Variants in CDC14A observed in about 807,000 individuals in gnomAD.
CDC14A encodes the protein cell division cycle 14A, also known as dual specificity protein phosphatase CDC14A.
A neutral mutation model predicts 74.4 loss-of-function variants in CDC14A; 53 were observed. The ratio of observed to expected loss-of-function variants is 0.71; its 90% CI spans 0.57 to 0.89. CDC14A has a LOEUF of 0.89. Among genes scored for constraint, CDC14A ranks in the 40% least tolerant of loss-of-function variants. The probability of loss-of-function intolerance (pLI) is 0.00; values close to 1 mark genes in which losing one functional copy is unlikely to be tolerated. For missense variants in CDC14A, 646 were observed against 713.7 expected (o/e 0.91, Z 1.08); for synonymous variants, 247 against 258.4 (o/e 0.96, Z 0.43).
At chr1:100,491,980 A>G (rs1270423253) in intron 11 of CDC14A, among the ~76,000 whole-genome samples, 1 of 151,634 alleles carries the variant, frequency 6.6e-6, no homozygotes, top group East Asian at 1.9e-4. Flanking sequence ...ATCACAGACA[A>G]TGCGGTGGCT....
chr1:100,463,421 C>A (rs1317073026), intron 9 of CDC14A, among the ~76,000 whole-genome samples: 1 of 152,148 alleles, frequency 6.6e-6, no homozygotes, highest in East Asian at 1.9e-4. Context: ...GCTTACAATG[C>A]TGCTGATGTG....
chr1:100,458,660 C>A (rs910355892), intron 8 of CDC14A, among the ~76,000 whole-genome samples: 1 of 151,288 alleles, frequency 6.6e-6, no homozygotes, highest in Non-Finnish European at 1.5e-5. Flanking sequence ...AATTAATAAA[C>A]CTGATCCAAT....
At chr1:100,412,725 TTA>T (rs1453619061) in intron 4 of CDC14A, among the ~76,000 whole-genome samples, 7 of 82,958 alleles carry the variant, frequency 8.4e-5, no homozygotes, top group Non-Finnish European at 1.2e-4. Flanking sequence ...TATATATATT[TTA>T]TATATATATA....
intron 10 of CDC14A, among the ~76,000 whole-genome samples, chr1:100,480,370 C>T (rs1669323616): frequency 6.6e-6 from 1 of 152,132 alleles, no homozygotes; most frequent in African/African-American, 2.4e-5. Flanking sequence ...GTATATATCC[C>T]ATTTTATTTA....
chr1:100,360,348 CT>C (rs60630066), intron 2 of CDC14A, among the ~76,000 whole-genome samples: 19,486 of 144,556 alleles, frequency 0.13, 1,503 homozygotes, highest in Non-Finnish European at 0.17. Flanking sequence ...ATAGTTAGTT[CT>C]TTTTTTTTTT....
At chr1:100,516,623 C>T (rs1650259393) in intron 15 of CDC14A, among the ~76,000 whole-genome samples, 1 of 152,056 alleles carries the variant, frequency 6.6e-6, no homozygotes, top group African/African-American at 2.4e-5. Context: ...ACTGGCTCTG[C>T]CCTCTGACTG....
intron 2 of CDC14A, among the ~76,000 whole-genome samples, chr1:100,376,235 G>A (rs923019457): frequency 6.6e-6 from 1 of 151,998 alleles, no homozygotes; most frequent in Non-Finnish European, 1.5e-5. Context: ...ACACCAACAT[G>A]GCACATGTAT....
chr1:100,501,815 T>C (rs143115883), intron 15 of CDC14A, among the ~76,000 whole-genome samples: 129 of 152,288 alleles, frequency 8.5e-4, no homozygotes, highest in Middle Eastern at 3.4e-3. Flanking sequence ...GTGATATTGA[T>C]TATCCTGACC....
At chr1:100,420,063 C>CATATATATATATAT (rs1553180578) in intron 4 of CDC14A, among the ~76,000 whole-genome samples, 1,272 of 61,422 alleles carry the variant, frequency 0.021, 46 homozygotes, top group East Asian at 0.028. Context: ...CACACACACA[C>CATATATATATATAT]ATATATATAT....
intron 10 of CDC14A, among the ~76,000 whole-genome samples, chr1:100,470,819 G>C (rs773666614): frequency 2.0e-5 from 3 of 152,144 alleles, no homozygotes; most frequent in Non-Finnish European, 2.9e-5. Context: ...CAAAGATATG[G>C]AGCAACTGGA....
At chr1:100,356,858 TAAAAAAAA>T (rs11448846) in intron 2 of CDC14A, among the ~76,000 whole-genome samples, 2 of 70,790 alleles carry the variant, frequency 2.8e-5, no homozygotes, top group Non-Finnish European at 5.2e-5. Context: ...AGACTCTGTC[TAAAAAAAA>T]AAAAAAAAAA....
At chr1:100,362,229 CT>C (rs1285871803) in intron 2 of CDC14A, among the ~76,000 whole-genome samples, 1 of 152,180 alleles carries the variant, frequency 6.6e-6, no homozygotes, top group Non-Finnish European at 1.5e-5. Flanking sequence ...AGTGGCACAA[CT>C]GATCTCAAGT....
chr1:100,434,197 T>G (rs1464126136), intron 5 of CDC14A, among the ~76,000 whole-genome samples: 1 of 152,204 alleles, frequency 6.6e-6, no homozygotes, highest in Non-Finnish European at 1.5e-5. Context: ...TATAGTTCAG[T>G]TGACTAGTAT....
chr1:100,460,055 C>T (rs1255535310), intron 8 of CDC14A, among the ~76,000 whole-genome samples: 5 of 152,170 alleles, frequency 3.3e-5, no homozygotes, highest in Non-Finnish European at 7.3e-5. Context: ...ACTGGCTCTA[C>T]CTCTTACTAG....
chr1:100,491,568 A>ATATG (rs1670672677), intron 11 of CDC14A, among the ~76,000 whole-genome samples: 2 of 76,622 alleles, frequency 2.6e-5, no homozygotes. Flanking sequence ...ATATATATAT[A>ATATG]TATATTTTTT....
intron 10 of CDC14A, among the ~76,000 whole-genome samples, chr1:100,478,959 C>T (rs1166536180): frequency 6.6e-6 from 1 of 152,156 alleles, no homozygotes; most frequent in Non-Finnish European, 1.5e-5. Flanking sequence ...GCATTTCTAA[C>T]AGGCTCCCAG....
Position 100,499,151 on chromosome 1 carries a change from C to T in CDC14A, c.1644C>T (p.Asn548=). 1.9e-6 allele frequency: 3 copies of T among 1,614,180 alleles called. No homozygotes were observed. The highest frequency in any genetic ancestry group is 2.2e-5 in the East Asian group (1 of 44,876). ...GCAACAGCAACGGGGGCAACCTGAA[C>T]AGCCCCCCAGGCCCCCACAGCGCCA... The part of the protein sequence containing the change: ...RSSNSNGGNL[N]SPPGPHSAKT... The change falls in exon 15 of 16, where the codon AAC becomes AAT. Residue 548 remains asparagine (N), a synonymous_variant. Coordinates refer to ENST00000336454, the MANE Select transcript of CDC14A (RefSeq NM_003672.4).
At position 100,498,327 on chromosome 1, in the gene CDC14A, G is replaced by A. The variant is rs185737093; in HGVS notation, c.1421+120G>A. The A allele has an allele frequency of 8.0e-6, 9 of 1,119,864 alleles. No individual in the cohort carries two copies. The East Asian group carries it at 1.9e-4, about 24-fold the overall frequency. 69.4% of individuals were successfully genotyped at this position (1,119,864 alleles called of 1,614,324 possible). ...ACAAGGGAGAAGAGGAGAAACCACG[G>A]AAGACCCTGTGATGTTCTGGGGCTT... On this transcript the variant is annotated intron_variant, in intron 14 of 15. Transcript: ENST00000336454.
At chr1:100,494,769 A>T in intron 11 of CDC14A, 49 bp from the exon 12 acceptor site, 1 of 1,009,436 alleles carries the variant, frequency 9.9e-7, no homozygotes, top group Non-Finnish European at 1.6e-6. Context: ...TAAGAAACCT[A>T]TATAAAGCCA....
Sources: gnomAD v4.1 joint callset for allele counts (sites outside exome capture counted in the v4.1 genomes callset) on GRCh38, gnomAD v4.1.1 for gene constraint, MANE v1.5 for transcripts, NCBI Gene and HGNC (gene_info 2026-07-23, HGNC 2026-07-21) for gene names.